Variants in SPOCK3 observed in about 807,000 individuals in gnomAD.
SPOCK3 encodes testican-3.
A neutral mutation model predicts 56.6 loss-of-function variants in SPOCK3; 30 were observed. The ratio of observed to expected loss-of-function variants is 0.53; its 90% CI spans 0.40 to 0.72. The LOEUF (loss-of-function observed/expected upper bound fraction) is 0.72. Ranked by LOEUF, SPOCK3 falls within the 30% of genes least tolerant of loss-of-function variation. The pLI is 0.00. For missense variants in SPOCK3, 527 were observed against 530.0 expected (o/e 0.99, Z 0.06); for synonymous variants, 196 against 183.3 (o/e 1.07, Z -0.56).
intron 2 of SPOCK3, among the ~76,000 whole-genome samples, chr4:167,121,579 T>C (rs975240516): frequency 5.3e-5 from 8 of 152,028 alleles, no homozygotes; most frequent in African/African-American, 1.9e-4. Flanking sequence ...TTGAAAGAGA[T>C]AGTGGAAGGC....
intron 2 of SPOCK3, among the ~76,000 whole-genome samples, chr4:167,143,121 T>TTCA (rs1434016436): frequency 2.0e-5 from 3 of 152,036 alleles, no homozygotes; most frequent in African/African-American, 7.2e-5. Context: ...TTGAGCACTA[T>TTCA]TCAAGTCTTT....
intron 7 of SPOCK3, among the ~76,000 whole-genome samples, chr4:166,788,415 TA>T (rs1247547510): frequency 6.6e-6 from 1 of 152,134 alleles, no homozygotes; most frequent in Non-Finnish European, 1.5e-5. Context: ...ACAACATTTT[TA>T]AAAAGATAAA....
intron 4 of SPOCK3, among the ~76,000 whole-genome samples, chr4:166,996,953 G>A (rs777851894): frequency 4.6e-5 from 7 of 152,034 alleles, no homozygotes; most frequent in African/African-American, 9.7e-5. Context: ...AAAACCAATC[G>A]TTACATCCCT....
intron 6 of SPOCK3, among the ~76,000 whole-genome samples, chr4:166,862,212 T>G (rs2126913082): frequency 6.6e-6 from 1 of 152,058 alleles, no homozygotes; most frequent in South Asian, 2.1e-4. Context: ...GTAATTAAAT[T>G]TAGAAAAAGC....
At chr4:166,887,699 G>C (rs962190765) in intron 6 of SPOCK3, among the ~76,000 whole-genome samples, 4 of 151,930 alleles carry the variant, frequency 2.6e-5, no homozygotes, top group African/African-American at 7.3e-5. Context: ...AACTTAGACT[G>C]GGGCATGTCA....
intron 2 of SPOCK3, among the ~76,000 whole-genome samples, chr4:167,112,739 T>G (rs993408334): frequency 6.6e-6 from 1 of 152,002 alleles, no homozygotes; most frequent in Non-Finnish European, 1.5e-5. Context: ...CAAAATTGCC[T>G]TAGAATGAAA....
Position 167,092,375 on chromosome 4 carries a change from G to C in SPOCK3, c.190-29838C>G, listed in dbSNP as rs906785231. 3.3e-5 allele frequency among the ~76,000 whole-genome samples: 5 copies of C among 152,216 alleles called. No individual in the cohort carries two copies. The East Asian group carries it at 9.7e-4, about 29-fold the overall frequency. ...TCCTGATTTCCTTCTGTAACGAAGG[G>C]TCCCAACCTGCTCCCTGATCACCTC... On this transcript the variant is annotated intron_variant, in intron 2 of 10. Transcript: ENST00000357545.
intron 6 of SPOCK3, among the ~76,000 whole-genome samples, chr4:166,836,371 A>G (rs1380471312): frequency 1.3e-5 from 2 of 152,206 alleles, no homozygotes; most frequent in Non-Finnish European, 2.9e-5. Context: ...CATATTACTA[A>G]TATTTTGGTT....
rs1035306347 is a variant in SPOCK3, at chr4:167,038,413, C to T, written c.235+24079G>A. On this transcript the variant is annotated intron_variant, in intron 3 of 10. Coordinates refer to ENST00000357545, the MANE Select transcript of SPOCK3 (RefSeq NM_001040159.2). ...ATTTTGTGTTCTTGCCAAGGTGGCT[C>T]TGATTATCTACAAATTTATGTTATA... Among the ~76,000 whole-genome samples the T allele has an allele frequency of 2.0e-5, 3 of 152,106 alleles. No individual in the cohort carries two copies. The East Asian group carries it at 5.8e-4, about 29-fold the overall frequency.
intron 3 of SPOCK3, among the ~76,000 whole-genome samples, chr4:167,055,464 G>A (rs1245889341): frequency 6.6e-6 from 1 of 152,166 alleles, no homozygotes; most frequent in Admixed American, 6.5e-5. Context: ...GACAGTGGGT[G>A]CAGCACACCG....
At chr4:167,196,209 G>A (rs1007061010) in intron 2 of SPOCK3, among the ~76,000 whole-genome samples, 4 of 151,826 alleles carry the variant, frequency 2.6e-5, no homozygotes, top group African/African-American at 9.7e-5. Context: ...CTAGCACCCT[G>A]GTATATAAAT....
intron 2 of SPOCK3, among the ~76,000 whole-genome samples, chr4:167,066,863 TTTCCTG>T (rs1234130957): frequency 3.9e-5 from 6 of 151,958 alleles, no homozygotes; most frequent in Non-Finnish European, 5.9e-5. Flanking sequence ...GAGAAGCTAG[TTTCCTG>T]TTCCAATAAC....
intron 2 of SPOCK3, among the ~76,000 whole-genome samples, chr4:167,100,966 C>CCTA (rs1449375603): frequency 6.6e-6 from 1 of 151,706 alleles, no homozygotes; most frequent in Non-Finnish European, 1.5e-5. Context: ...ATATAACACC[C>CCTA]CTATATATAT....
intron 2 of SPOCK3, among the ~76,000 whole-genome samples, chr4:167,103,716 T>C (rs573889585): frequency 6.6e-6 from 1 of 152,262 alleles, no homozygotes; most frequent in South Asian, 2.1e-4. Flanking sequence ...CACCTGCAGA[T>C]AGTAGAGCCC....
At chr4:166,836,021 C>CA (rs377584869) in intron 6 of SPOCK3, among the ~76,000 whole-genome samples, 1 of 151,868 alleles carries the variant, frequency 6.6e-6, no homozygotes, top group Non-Finnish European at 1.5e-5. Context: ...CACACACACA[C>CA]AAAAAATTCT....
At chr4:166,894,883 C>T (rs940608038) in intron 5 of SPOCK3, among the ~76,000 whole-genome samples, 1 of 152,036 alleles carries the variant, frequency 6.6e-6, no homozygotes, top group Non-Finnish European at 1.5e-5. Context: ...AAATACTCTG[C>T]AAAAATTTCT....
At chr4:167,103,658 G>A (rs1044421860) in intron 2 of SPOCK3, among the ~76,000 whole-genome samples, 10 of 152,142 alleles carry the variant, frequency 6.6e-5, no homozygotes, top group Admixed American at 5.9e-4. Context: ...TGAGGCCTGG[G>A]GAAACTCACT....
intron 2 of SPOCK3, among the ~76,000 whole-genome samples, chr4:167,069,671 A>G (rs1267094277): frequency 1.3e-5 from 2 of 151,938 alleles, no homozygotes; most frequent in African/African-American, 4.8e-5. Flanking sequence ...ATACACAGAT[A>G]CAGAACCTCC....
intron 7 of SPOCK3, among the ~76,000 whole-genome samples, chr4:166,788,361 G>A (rs1056168871): frequency 2.0e-5 from 3 of 152,044 alleles, no homozygotes; most frequent in African/African-American, 4.8e-5. Context: ...GTTAGATTAA[G>A]TTAGTTAATA....
Sources: allele counts gnomAD v4.1 joint callset (sites outside exome capture counted in the v4.1 genomes callset), GRCh38; gene constraint gnomAD v4.1.1; transcripts MANE v1.5; gene names NCBI Gene and HGNC (gene_info 2026-07-23, HGNC 2026-07-21).